Variants in PCDH11Y observed in about 807,000 individuals in gnomAD.
PCDH11Y encodes protocadherin-11 Y-linked.
For missense variants in PCDH11Y, 12 were observed against 224.8 expected, an observed-to-expected ratio of 0.05 and a Z score of 6.05; for synonymous variants, 9 against 83.6, an observed-to-expected ratio of 0.11 and a Z score of 4.87.
At chrY:5,602,664 C>CT (rs2053473815) in intron 4 of PCDH11Y, among the ~76,000 whole-genome samples, 1 of 30,077 alleles carries the variant, frequency 3.3e-5, no homozygotes, top group Non-Finnish European at 8.0e-5. Flanking sequence ...CCTACTCCTG[C>CT]TTTTTTTTTC....
intron 2 of PCDH11Y, among the ~76,000 whole-genome samples, chrY:5,428,068 C>T (rs372242000): frequency 9.3e-5 from 3 of 32,268 alleles, no homozygotes; most frequent in African/African-American, 3.6e-4. Context: ...AGTAAAAATA[C>T]GGTATAAAAA....
chrY:5,138,426 A>G, intron 2 of PCDH11Y, among the ~76,000 whole-genome samples: 1 of 32,443 alleles, frequency 3.1e-5, no homozygotes, highest in Non-Finnish European at 7.6e-5. Context: ...ACTATATGAA[A>G]TTGAAACAAA....
chrY:5,155,868 G>A, intron 2 of PCDH11Y, among the ~76,000 whole-genome samples: 1 of 26,373 alleles, frequency 3.8e-5, no homozygotes, highest in South Asian at 9.7e-4. Flanking sequence ...GGGAAAAGAG[G>A]TAGGAGGTGA....
downstream of PCDH11Y, among the ~76,000 whole-genome samples, chrY:5,107,835 G>A (rs2052793470): frequency 3.0e-5 from 1 of 32,816 alleles, no homozygotes; most frequent in Non-Finnish European, 7.5e-5. Context: ...CGAGGCGGGT[G>A]GATCACGAGG....
chrY:5,163,779 C>A, intron 2 of PCDH11Y, among the ~76,000 whole-genome samples: 1 of 33,511 alleles, frequency 3.0e-5, no homozygotes, highest in Non-Finnish European at 7.4e-5. Context: ...AACCATAAGC[C>A]AATTAAAGAT....
chrY:5,446,541 G>A (rs1602927004), intron 2 of PCDH11Y, among the ~76,000 whole-genome samples: 2 of 33,228 alleles, frequency 6.0e-5, no homozygotes, highest in Admixed American at 2.7e-4. Context: ...GTGTGTGTGC[G>A]TGCATGCACA....
intron 2 of PCDH11Y, among the ~76,000 whole-genome samples, chrY:5,359,110 G>A: frequency 3.3e-5 from 1 of 30,009 alleles, no homozygotes; most frequent in African/African-American, 1.3e-4. Flanking sequence ...TACCGAAAAG[G>A]CGTCTCGATC....
intron 3 of PCDH11Y, among the ~76,000 whole-genome samples, chrY:5,045,081 T>A: frequency 3.0e-5 from 1 of 33,528 alleles, no homozygotes; most frequent in Non-Finnish European, 7.4e-5. Flanking sequence ...CCAGTCTGTG[T>A]CTTTTAATTG....
At chrY:5,172,783 A>T in intron 2 of PCDH11Y, among the ~76,000 whole-genome samples, 4 of 31,796 alleles carry the variant, frequency 1.3e-4, no homozygotes, top group Admixed American at 8.8e-4. Flanking sequence ...ACAAGACAAA[A>T]ACAGCCAAAT....
chrY:5,143,700 T>C, intron 2 of PCDH11Y, among the ~76,000 whole-genome samples: 1 of 33,327 alleles, frequency 3.0e-5, no homozygotes, highest in African/African-American at 1.2e-4. Context: ...CTCCAGAGCA[T>C]GTTAGAGCTC....
intron 2 of PCDH11Y, among the ~76,000 whole-genome samples, chrY:5,198,391 A>C: frequency 3.1e-5 from 1 of 31,759 alleles, no homozygotes. Flanking sequence ...CAGGTGATCC[A>C]CCCGCCTTGG....
intron 2 of PCDH11Y, chrY:5,207,265 C>T: frequency 2.2e-5 from 5 of 224,954 alleles, no homozygotes; most frequent in Non-Finnish European, 3.9e-5. Flanking sequence ...CCAGCATTGA[C>T]GTTCTTGCCA....
intron 2 of PCDH11Y, among the ~76,000 whole-genome samples, chrY:5,032,193 A>AT (rs2052591387): frequency 5.9e-5 from 2 of 34,000 alleles, no homozygotes; most frequent in Non-Finnish European, 1.5e-4. Context: ...CAAGGCAGGC[A>AT]TAACTATTTT....
chrY:5,365,323 C>T, intron 2 of PCDH11Y, among the ~76,000 whole-genome samples: 2 of 33,026 alleles, frequency 6.1e-5, no homozygotes, highest in South Asian at 6.6e-4. Context: ...ACAACCAGCT[C>T]TCTGCTGTAA....
intron 4 of PCDH11Y, among the ~76,000 whole-genome samples, chrY:5,714,375 T>C: frequency 6.0e-5 from 2 of 33,571 alleles, no homozygotes; most frequent in Admixed American, 5.4e-4. Context: ...ACCCAATTAA[T>C]ACAGTTATTT....
intron 4 of PCDH11Y, among the ~76,000 whole-genome samples, chrY:5,730,137 GT>G (rs2053602585): frequency 1.0e-4 from 3 of 29,798 alleles, no homozygotes; most frequent in East Asian, 8.7e-4. Context: ...TTTTAGAACA[GT>G]TTTTTTTTTC....
chrY:5,256,145 A>G, intron 2 of PCDH11Y, among the ~76,000 whole-genome samples: 11 of 33,559 alleles, frequency 3.3e-4, no homozygotes, highest in Non-Finnish European at 5.9e-4. Flanking sequence ...CATATCTTCA[A>G]TGTTTTCTTG....
At chrY:5,185,787 AC>A (rs2052905653) in intron 2 of PCDH11Y, among the ~76,000 whole-genome samples, 1 of 13,618 alleles carries the variant, frequency 7.3e-5, no homozygotes, top group Non-Finnish European at 1.7e-4. Flanking sequence ...TAATGATCAT[AC>A]ACCATAATCA....
At chrY:5,158,014 GA>G (rs2052871324) in intron 2 of PCDH11Y, among the ~76,000 whole-genome samples, 1 of 32,878 alleles carries the variant, frequency 3.0e-5, no homozygotes, top group Non-Finnish European at 7.5e-5. Context: ...GAGGTTTAAA[GA>G]CATTAGTTCT....
Sources: gnomAD v4.1 joint callset for allele counts (sites outside exome capture counted in the v4.1 genomes callset) on GRCh38, gnomAD v4.1.1 for gene constraint, MANE v1.5 for transcripts, NCBI Gene and HGNC (gene_info 2026-07-23, HGNC 2026-07-21) for gene names.